BARHL2: variants seen among roughly 807,000 people sequenced by gnomAD.
BARHL2 encodes the protein BarH like homeobox 2, also known as barH-like 2 homeobox protein.
BARHL2 carries 10 observed loss-of-function variants against 27.1 expected under a neutral mutation model. That is an observed-to-expected ratio of 0.37 (90% CI 0.23 to 0.63). The LOEUF (loss-of-function observed/expected upper bound fraction) is 0.63, where lower values mean the gene tolerates loss of function less well. BARHL2 is among the 20% of genes least tolerant of loss of function. The pLI, the probability that BARHL2 is intolerant of heterozygous loss-of-function variation, is 0.65. For missense variants in BARHL2, 483 were observed against 533.5 expected (o/e 0.91, Z 0.93); for synonymous variants, 248 against 224.7 (o/e 1.10, Z -0.93).
chr1:90,716,693 T>C lies in BARHL2; in HGVS notation c.503A>G (p.His168Arg), dbSNP rs199834270. 3 of 1,612,426 alleles carry C rather than the reference T, an allele frequency of 1.9e-6. No homozygotes were observed. The highest frequency in any genetic ancestry group is 1.3e-5 in the African/African-American group (1 of 74,952). ...GTTGCTCTCCTGCTTCGGGGTGTGG[T>C]GGGGAGAGGATACGCTGGTGCTGTA... ...APYSTSVSSPHHTPKQESNAV... is the reference protein window; with the variant it reads ...APYSTSVSSPRHTPKQESNAV... The change falls in exon 1 of 3, where the codon CAC becomes CGC. Residue 168 changes from histidine to arginine, a missense_variant. This residue lies in a region of BARHL2 where 304 missense variants were observed against 284.9 expected (regional missense o/e 1.07). Transcript: ENST00000370445.
intron 1 of BARHL2, 26 bp downstream of exon 1, chr1:90,716,535 GCTAGACGGCC>G: frequency 6.2e-7 from 1 of 1,603,772 alleles, no homozygotes; most frequent in Non-Finnish European, 8.5e-7. Context: ...AGGAGGACAA[GCTAGACGGCC>G]GAGAGCGCCG....
At chr1:90,716,044 T>G (rs1193060063) in intron 1 of BARHL2, among the ~76,000 whole-genome samples, 1 of 148,580 alleles carries the variant, frequency 6.7e-6, no homozygotes, top group Non-Finnish European at 1.5e-5. Flanking sequence ...TTAAAGTTGC[T>G]CTGTTCATGA....
Position 90,712,178 on chromosome 1 carries a change from CCT to C in BARHL2, c.*132_*133del, listed in dbSNP as rs751554631. ...TCCCCTGCCCACTGGTAAGCATCTT[CCT>C]CTCTTACTCCTCTGCCTTCCAGAGT... On this transcript the variant is annotated 3_prime_UTR_variant, in exon 3 of 3. Coordinates refer to ENST00000370445, the MANE Select transcript of BARHL2 (RefSeq NM_020063.2). 6.1e-6 allele frequency: 6 copies of C among 991,210 alleles called. No homozygotes were observed. Among genetic ancestry groups the C allele is most frequent in the Non-Finnish European group, 6.9e-6 (5 of 722,092 alleles). 61.4% of individuals were successfully genotyped at this position (991,210 alleles called of 1,614,324 possible).
At chr1:90,715,179 T>C (rs1044636790) in intron 1 of BARHL2, among the ~76,000 whole-genome samples, 3 of 150,578 alleles carry the variant, frequency 2.0e-5, no homozygotes, top group African/African-American at 7.3e-5. Context: ...TCTTTTTTTT[T>C]TTTTTTTTTT....
At chr1:90,715,002 T>G (rs886771991) in intron 1 of BARHL2, among the ~76,000 whole-genome samples, 2 of 152,156 alleles carry the variant, frequency 1.3e-5, no homozygotes, top group Non-Finnish European at 2.9e-5. Context: ...GTGTCTGATC[T>G]TCACATGGTT....
In BARHL2 at chr1:90,716,859, G is replaced by C. The variant is rs1301553675; in HGVS notation, c.337C>G (p.Gln113Glu). 19 of 1,559,596 alleles carry C rather than the reference G, an allele frequency of 1.2e-5. No homozygotes were observed. Among genetic ancestry groups the C allele is most frequent in the Non-Finnish European group, 1.6e-5 (19 of 1,152,868 alleles). ...QSLQPLPQQQ[Q>E]PLPPQQPPPP... ...GGCGGCTGCTGTGGCGGCAGCGGCT[G>C]CTGCTGTTGGGGCAAAGGCTGCAAA... Residue 113 changes from glutamine (Q) to glutamate (E), a missense_variant, in exon 1 of 3, where the codon CAG becomes GAG. Transcript: ENST00000370445.
chr1:90,716,586 C>A lies in BARHL2; in HGVS notation c.610G>T (p.Asp204Tyr), dbSNP rs1380807041. The change falls in exon 1 of 3, where the codon GAC becomes TAC. Residue 204 changes from aspartate to tyrosine, a missense_variant. Physicochemically the swap from Asp to Tyr is radical, Grantham distance 160. Around this residue, in one of 3 missense-constraint regions of BARHL2, gnomAD observed 304 missense variants for 284.9 expected, o/e 1.07. Transcript: ENST00000370445. ...KLDKREDSQS[D>Y]IKCHGTKEEG... is the part of the protein sequence containing the mutation. ...CGGGACTCACCGTGGCATTTGATGTCGCTCTGGGAATCCTCCCGCTTGTCG... is the reference window on the plus strand; with the variant it reads ...CGGGACTCACCGTGGCATTTGATGTAGCTCTGGGAATCCTCCCGCTTGTCG... 9.9e-6 allele frequency: 16 copies of A among 1,614,162 alleles called. No individual in the cohort carries two copies. The highest frequency in any genetic ancestry group is 1.4e-5 in the Non-Finnish European group (16 of 1,180,022).
chr1:90,712,463 T>C lies in BARHL2; in HGVS notation c.1013A>G (p.Tyr338Cys), dbSNP rs1658054841. The change falls in exon 3 of 3, where the codon TAC (tyrosine) becomes TGC (cysteine). Residue 338 changes from tyrosine to cysteine, a missense_variant. By Grantham distance (194) the Tyr-to-Cys change is radical. Coordinates refer to ENST00000370445, the MANE Select transcript of BARHL2 (RefSeq NM_020063.2). ...TTAAAAAAAM[Y>C]SSMYRTPPAP... ...TGGAGGAGTCCGGTACATGCTGCTG[T>C]ACATGGCAGCGGCAGCCGCCGCCGC... 4 of 1,613,256 alleles carry C rather than the reference T, an allele frequency of 2.5e-6. No individual in the cohort carries two copies. The highest frequency in any genetic ancestry group is 8.5e-7 in the Non-Finnish European group (1 of 1,179,758).
At chr1:90,712,913 G>A (rs985884979) in intron 2 of BARHL2, among the ~76,000 whole-genome samples, 1 of 152,126 alleles carries the variant, frequency 6.6e-6, no homozygotes, top group African/African-American at 2.4e-5. Context: ...CTGCTCTGCT[G>A]TCGCCCCCCT....
chr1:90,714,657 T>C lies in BARHL2; in HGVS notation c.725A>G (p.His242Arg), dbSNP rs1322629795. 6.2e-7 allele frequency: 1 copy of C among 1,614,146 alleles called. No homozygotes were observed. Among genetic ancestry groups the C allele is most frequent in the Non-Finnish European group, 8.5e-7 (1 of 1,180,018 alleles). Residue 242 changes from histidine to arginine, a missense_variant, in exon 2 of 3, where the codon CAC becomes CGC. By Grantham distance (29) the His-to-Arg change is conservative. Transcript: ENST00000370445. ...PRKARTAFSD[H>R]QLNQLERSFE... ...GCTACGCTCCAGTTGATTGAGCTGG[T>C]GGTCGGAAAAAGCTGTCCTTGCTTT...
At position 90,716,755 on chromosome 1, in the gene BARHL2, G is replaced by A. The variant is rs138592538; in HGVS notation, c.441C>T (p.Ile147=). The change falls in exon 1 of 3, where the codon ATC becomes ATT. Residue 147 remains isoleucine, a synonymous_variant. Coordinates refer to ENST00000370445, the MANE Select transcript of BARHL2 (RefSeq NM_020063.2). ...TSTSSFLIKD[I]LGDSKPLAAC... is the part of the protein sequence containing the mutation. ...CCGCCAGAGGTTTGCTGTCGCCCAA[G>A]ATGTCCTTAATTAAAAAAGAAGACG... The A allele has an allele frequency of 4.3e-5, 68 of 1,581,512 alleles. No individual in the cohort carries two copies. The highest frequency in any genetic ancestry group is 1.7e-4 in the Middle Eastern group (1 of 5,988).
chr1:90,715,473 C>T (rs1182475729), intron 1 of BARHL2, among the ~76,000 whole-genome samples: 1 of 152,134 alleles, frequency 6.6e-6, no homozygotes, highest in African/African-American at 2.4e-5. Context: ...CAATCCCTCC[C>T]TGTTTGTACC....
intron 2 of BARHL2, among the ~76,000 whole-genome samples, chr1:90,713,771 C>T (rs933334449): frequency 1.3e-5 from 2 of 152,166 alleles, no homozygotes; most frequent in Non-Finnish European, 2.9e-5. Flanking sequence ...CGTGGCCCTG[C>T]GAGCACTGGC....
rs368876154 is a variant in BARHL2 at position 90,711,561 on chromosome 1, A to T, written c.*751T>A. 1 of 152,174 alleles carries T rather than the reference A, an allele frequency of 6.6e-6. No homozygotes were observed. Among genetic ancestry groups the T allele is most frequent in the Non-Finnish European group, 1.5e-5 (1 of 68,018 alleles). 9.4% of individuals were successfully genotyped at this position (152,174 alleles called of 1,614,324 possible). ...CACTTGTTAAAAAAAGATAAACTTT[A>T]TTTTTGTAATTTTCAATCACAAAAA... On this transcript the variant is annotated 3_prime_UTR_variant, in exon 3 of 3. Coordinates refer to ENST00000370445, the MANE Select transcript of BARHL2 (RefSeq NM_020063.2).
intron 1 of BARHL2, among the ~76,000 whole-genome samples, chr1:90,715,170 C>CTTTTTTT (rs35625130): frequency 6.0e-5 from 4 of 66,320 alleles, no homozygotes; most frequent in East Asian, 4.7e-4. Flanking sequence ...TCCCTCTACT[C>CTTTTTTT]TTTTTTTTTT....
At position 90,714,687 on chromosome 1, in the gene BARHL2, G is replaced by A. The variant is rs868229360; in HGVS notation, c.695C>T (p.Pro232Leu). The A allele has an allele frequency of 6.2e-7, 1 of 1,614,052 alleles. No individual in the cohort carries two copies. The highest frequency in any genetic ancestry group is 8.5e-7 in the Non-Finnish European group (1 of 1,180,042). Reference protein sequence around the residue: ...RESPPVRAKKPRKARTAFSDH... With the variant: ...RESPPVRAKKLRKARTAFSDH... Reference sequence around the variant, plus strand: ...GGAAAAAGCTGTCCTTGCTTTTCGAGGCTTCTTGGCTCTCACAGGGGGACT... The same window carrying A: ...GGAAAAAGCTGTCCTTGCTTTTCGAAGCTTCTTGGCTCTCACAGGGGGACT... The change falls in exon 2 of 3, where the codon CCT becomes CTT. Residue 232 changes from proline to leucine, a missense_variant. Physicochemically the swap from Pro to Leu is moderately conservative, Grantham distance 98. Around this residue, in one of 3 missense-constraint regions of BARHL2, gnomAD observed 49 missense variants for 110.6 expected, o/e 0.44. Transcript: ENST00000370445.
At chr1:90,715,042 TA>T (rs1328156117) in intron 1 of BARHL2, among the ~76,000 whole-genome samples, 3 of 152,168 alleles carry the variant, frequency 2.0e-5, no homozygotes, top group Admixed American at 6.5e-5. Context: ...TTTTTTTAAA[TA>T]AAACTTTTGA....
chr1:90,716,522 A>T (rs1658147011), intron 1 of BARHL2, 49 bp downstream of exon 1: 2 of 1,582,088 alleles, frequency 1.3e-6, no homozygotes, highest in South Asian at 2.2e-5. Flanking sequence ...GAGATTGGGA[A>T]CCAGGAGGAC....
rs1658044004 is a variant in BARHL2, at chr1:90,712,113, T to G, written c.*199A>C. On this transcript the variant is annotated 3_prime_UTR_variant, in exon 3 of 3. Transcript: ENST00000370445. ...AGATTTCCAGCCCTGTTTCTAGGGG[T>G]GGGGAGATGGAGAGCAGAGGGCTGG... The G allele has an allele frequency of 2.1e-6, 1 of 470,102 alleles. No homozygotes were observed. Among genetic ancestry groups the G allele is most frequent in the South Asian group, 8.0e-5 (1 of 12,544 alleles). The allele number at this position is 470,102 out of a possible 1,614,324, so 29.1% of individuals were successfully genotyped here.
Sources: allele counts gnomAD v4.1 joint callset (sites outside exome capture counted in the v4.1 genomes callset), GRCh38; gene constraint gnomAD v4.1.1; regional missense constraint gnomAD v4.1.1; transcripts MANE v1.5; gene names NCBI Gene and HGNC (gene_info 2026-07-23, HGNC 2026-07-21).